Variants in TRIM62 observed in about 807,000 individuals in gnomAD.
TRIM62 encodes tripartite motif containing 62.
A neutral mutation model predicts 44.2 loss-of-function variants in TRIM62; 39 were observed. The observed-to-expected ratio is 0.88, with a 90% CI of 0.68 to 1.15. The LOEUF (loss-of-function observed/expected upper bound fraction) is 1.15, where lower values mean the gene tolerates loss of function less well. Ranked by LOEUF, TRIM62 falls within the 50% of genes most tolerant of loss-of-function variation. The pLI is 0.00. For synonymous variants in TRIM62, 278 were observed against 292.3 expected, an observed-to-expected ratio of 0.95 and a Z score of 0.50; for missense variants, 544 against 665.5, an observed-to-expected ratio of 0.82 and a Z score of 2.01.
Position 33,147,477 on chromosome 1 carries a change from G to A in TRIM62, c.1128C>T (p.Gly376=). Residue 376 remains glycine, a synonymous_variant, in exon 5 of 5, where the codon GGC becomes GGT. Transcript: ENST00000291416. The surrounding 1 kb of genome is among the most constrained non-coding windows in gnomAD (Gnocchi z 8.1). The part of the protein sequence containing the change: ...GLAHEAASRK[G]SIQIQPSRGF... ...CGCGGCTGGGCTGGATCTGGATGCT[G>A]CCCTTGCGGCTTGCGGCTTCGTGTG... 1 of 1,613,840 alleles carries A rather than the reference G, an allele frequency of 6.2e-7. No individual in the cohort carries two copies. Among genetic ancestry groups the A allele is most frequent in the Non-Finnish European group, 8.5e-7 (1 of 1,179,976 alleles).
rs1156715797 is a variant in TRIM62 at position 33,181,113 on chromosome 1, C to T, written c.320G>A (p.Arg107His). ...GTCGCAGAAGAAGCAGAGAAGCGCG[C>T]GGTCCGTGAGGCAGAAGAGCTTGAC... is the stretch of plus-strand genomic sequence containing the variant. ...DKVKLFCLTD[R>H]ALLCFFCDEP... The change falls in exon 1 of 5, where the codon CGC (arginine) becomes CAC (histidine). Residue 107 changes from arginine (R) to histidine (H), a missense_variant. Transcript: ENST00000291416. The surrounding 1 kb of genome is among the most constrained non-coding windows in gnomAD (Gnocchi z 6.5). The T allele has an allele frequency of 1.2e-6, 2 of 1,600,106 alleles. No homozygotes were observed. Among genetic ancestry groups the T allele is most frequent in the Non-Finnish European group, 1.7e-6 (2 of 1,178,746 alleles).
rs189187716 is a variant in TRIM62 at position 33,157,555 on chromosome 1, T to A, written c.877+698A>T. Among the ~76,000 whole-genome samples the A allele has an allele frequency of 8.3e-3, 1,271 of 152,226 alleles. 17 individuals are homozygous for A. The highest frequency in any genetic ancestry group is 0.029 in the African/African-American group (1,205 of 41,510). ...CTGATTTACTTTTGTCTACTTTCTATCTCACACCCTAGGATGTAAGATGCG... is the reference window on the plus strand; with the variant it reads ...CTGATTTACTTTTGTCTACTTTCTAACTCACACCCTAGGATGTAAGATGCG... On this transcript the variant is annotated intron_variant, in intron 4 of 4. Coordinates refer to ENST00000291416, the MANE Select transcript of TRIM62 (RefSeq NM_018207.3).
Position 33,167,505 on chromosome 1 carries a change from G to A in TRIM62, c.409-1939C>T, listed in dbSNP as rs950815276. 7.2e-5 allele frequency among the ~76,000 whole-genome samples: 11 copies of A among 152,080 alleles called. No homozygotes were observed. Among genetic ancestry groups the A allele is most frequent in the East Asian group, 1.9e-4 (1 of 5,200 alleles). ...TTGTTCTCCTGTCTGTCTCTTCTTC[G>A]TCCCCGTATTGGCCCACAAGTCCTC... On this transcript the variant is annotated intron_variant, in intron 1 of 4. Coordinates refer to ENST00000291416, the MANE Select transcript of TRIM62 (RefSeq NM_018207.3). The surrounding 1 kb of genome is among the most constrained non-coding windows in gnomAD (Gnocchi z 4.2).
chr1:33,146,015 T>G lies in TRIM62; in HGVS notation c.*1162A>C, dbSNP rs979754726. ...GACATCTATTGGCTGGCACGGACCG[T>G]GGCAGAGGGAGCCTAGTTCTGCAGT... On this transcript the variant is annotated 3_prime_UTR_variant, in exon 5 of 5. Coordinates refer to ENST00000291416, the MANE Select transcript of TRIM62 (RefSeq NM_018207.3). The G allele has an allele frequency of 1.2e-5, 5 of 425,924 alleles. No homozygotes were observed. Among genetic ancestry groups the G allele is most frequent in the Non-Finnish European group, 2.4e-5 (5 of 206,038 alleles). The allele number at this position is 425,924 out of a possible 1,614,324, so 26.4% of individuals were successfully genotyped here. A position where few individuals can be genotyped will look rare whatever the true frequency, so the allele number is the denominator to read the frequency against.
intron 1 of TRIM62, among the ~76,000 whole-genome samples, chr1:33,171,552 C>T (rs985329880): frequency 6.6e-6 from 1 of 152,144 alleles, no homozygotes; most frequent in Admixed American, 6.5e-5. Context: ...TTTCTGAGTA[C>T]CCAATGAGTG....
rs1272596333 is a variant in TRIM62, at chr1:33,161,987, G to A, written c.505-2043C>T. Among the ~76,000 whole-genome samples the A allele has an allele frequency of 1.3e-5, 2 of 152,044 alleles. No individual in the cohort carries two copies. Among genetic ancestry groups the A allele is most frequent in the African/African-American group, 4.8e-5 (2 of 41,388 alleles). The stretch of plus-strand genomic sequence containing the variant: ...GGATGGTTCCCAAGTCCATATAGAT[G>A]GCCTTGCCTGTCTCCTGAGTGCCAC... On this transcript the variant is annotated intron_variant, in intron 2 of 4. Coordinates refer to ENST00000291416, the MANE Select transcript of TRIM62 (RefSeq NM_018207.3). This position sits in a 1 kb window ranked among gnomAD's most constrained non-coding sequence, Gnocchi z 4.3.
rs1189865376 is a variant in TRIM62 at position 33,147,054 on chromosome 1, G to A, written c.*123C>T. 3 of 1,024,176 alleles carry A rather than the reference G, an allele frequency of 2.9e-6. No individual in the cohort carries two copies. The highest frequency in any genetic ancestry group is 2.4e-4 in the Middle Eastern group (1 of 4,092). 63.4% of individuals were successfully genotyped at this position (1,024,176 alleles called of 1,614,324 possible). A position where few individuals can be genotyped will look rare whatever the true frequency, so the allele number is the denominator to read the frequency against. On this transcript the variant is annotated 3_prime_UTR_variant, in exon 5 of 5. Transcript: ENST00000291416. The surrounding 1 kb of genome is among the most constrained non-coding windows in gnomAD (Gnocchi z 8.1). Reference sequence around the variant, plus strand: ...CATTTTACAGACTGGAGGCTGGAGGGTAAACAACTGGCCTGAGGTCTCCAG... The same window carrying A: ...CATTTTACAGACTGGAGGCTGGAGGATAAACAACTGGCCTGAGGTCTCCAG...
At chr1:33,157,765 C>A (rs1645200987) in intron 4 of TRIM62, among the ~76,000 whole-genome samples, 1 of 150,794 alleles carries the variant, frequency 6.6e-6, no homozygotes, top group Non-Finnish European at 1.5e-5. Flanking sequence ...TTTTTTCTTC[C>A]TTTTTTTCCG....
Position 33,147,531 on chromosome 1 carries a change from C to T in TRIM62, c.1074G>A (p.Ala358=), listed in dbSNP as rs376832946. 2.1e-4 allele frequency: 335 copies of T among 1,613,926 alleles called. 2 individuals carry two copies. In the Middle Eastern group the frequency reaches 7.8e-3, roughly 37 times the overall value. Residue 358 remains alanine (A), a synonymous_variant, in exon 5 of 5, where the codon GCG becomes GCA. Coordinates refer to ENST00000291416, the MANE Select transcript of TRIM62 (RefSeq NM_018207.3). The surrounding 1 kb of genome is among the most constrained non-coding windows in gnomAD (Gnocchi z 8.1). ...GCCCGATCACCCACTGGGTCTTCTCCGCCACCACCACCTCCCAGTAGTGGA... is the reference window on the plus strand; with the variant it reads ...GCCCGATCACCCACTGGGTCTTCTCTGCCACCACCACCTCCCAGTAGTGGA... ...SGVHYWEVVV[A]EKTQWVIGLA...
At chr1:33,149,999 T>G (rs116120304) in intron 4 of TRIM62, among the ~76,000 whole-genome samples, 2,480 of 152,310 alleles carry the variant, frequency 0.016, 28 homozygotes, top group Non-Finnish European at 0.024. Flanking sequence ...ATCACCTGGC[T>G]CTGGGCTGGC....
In TRIM62 at chr1:33,159,838, G is replaced by A. The variant is rs747566623; in HGVS notation, c.611C>T (p.Thr204Met). ...KAMLEELEAD[T>M]ARTLTDIEQK... ...CTCGATGTCGGTCAGCGTGCGGGCCGTGTCCGCCTCCAGCTCCTCTAGCAT... is the reference window on the plus strand; with the variant it reads ...CTCGATGTCGGTCAGCGTGCGGGCCATGTCCGCCTCCAGCTCCTCTAGCAT... Residue 204 changes from threonine (T) to methionine (M), a missense_variant, in exon 3 of 5, where the codon ACG becomes ATG. Transcript: ENST00000291416. This position sits in a 1 kb window ranked among gnomAD's most constrained non-coding sequence, Gnocchi z 4.2. 8 of 1,613,532 alleles carry A rather than the reference G, an allele frequency of 5.0e-6. No individual in the cohort carries two copies. Among genetic ancestry groups the A allele is most frequent in the East Asian group, 2.2e-5 (1 of 44,904 alleles).
rs146828587 is a variant in TRIM62 at position 33,170,724 on chromosome 1, G to A, written c.409-5158C>T. On this transcript the variant is annotated intron_variant, in intron 1 of 4. Transcript: ENST00000291416. ...CTGCCTGAGCTGTGTCACCCCTCCC[G>A]CTCCAACGTGTCTCCTTCCTTGGTT... 4.5e-3 allele frequency among the ~76,000 whole-genome samples: 688 copies of A among 152,240 alleles called. 3 individuals carry two copies. Among genetic ancestry groups the A allele is most frequent in the Non-Finnish European group, 7.8e-3 (531 of 68,004 alleles).
intron 2 of TRIM62, among the ~76,000 whole-genome samples, chr1:33,162,144 A>G (rs1056223588): frequency 1.3e-5 from 2 of 152,196 alleles, no homozygotes; most frequent in Non-Finnish European, 2.9e-5. Flanking sequence ...CTAAAGTGCC[A>G]ACTGAATCAC....
intron 4 of TRIM62, among the ~76,000 whole-genome samples, chr1:33,155,365 C>G (rs1258962092): frequency 6.6e-6 from 1 of 152,058 alleles, no homozygotes; most frequent in African/African-American, 2.4e-5. Flanking sequence ...GCCACCATGC[C>G]CGGCCTCCCC....
chr1:33,174,551 T>C (rs1276762678), intron 1 of TRIM62, among the ~76,000 whole-genome samples: 1 of 152,126 alleles, frequency 6.6e-6, no homozygotes, highest in Non-Finnish European at 1.5e-5. Context: ...CTCATAGGGT[T>C]ACTGTTAGAA....
chr1:33,151,185 T>C (rs562943522), intron 4 of TRIM62, among the ~76,000 whole-genome samples: 1 of 152,148 alleles, frequency 6.6e-6, no homozygotes, highest in East Asian at 1.9e-4. Flanking sequence ...AGCCTGCAGA[T>C]TGGAGGAAAT....
chr1:33,171,792 A>AT (rs1166839025), intron 1 of TRIM62, among the ~76,000 whole-genome samples: 8 of 151,900 alleles, frequency 5.3e-5, no homozygotes, highest in Non-Finnish European at 7.4e-5. Context: ...TTTATTTTTT[A>AT]TTTTTTTGAG....
At position 33,181,371 on chromosome 1, in the gene TRIM62, G is replaced by A. The variant is rs1050879661; in HGVS notation, c.62C>T (p.Pro21Leu). 6 of 1,599,584 alleles carry A rather than the reference G, an allele frequency of 3.8e-6. No individual in the cohort carries two copies. Among genetic ancestry groups the A allele is most frequent in the Non-Finnish European group, 4.3e-6 (5 of 1,175,904 alleles). Residue 21 changes from proline (P) to leucine (L), a missense_variant, in exon 1 of 5, where the codon CCG becomes CTG. Coordinates refer to ENST00000291416, the MANE Select transcript of TRIM62 (RefSeq NM_018207.3). This position sits in a 1 kb window ranked among gnomAD's most constrained non-coding sequence, Gnocchi z 6.5. ...GTAATGCTCGCAGCCCAGGCTCACC[G>A]GGTCCTGGTAGATGCTCAGGCAGAT... ...CSICLSIYQD[P>L]VSLGCEHYFC...
intron 4 of TRIM62, among the ~76,000 whole-genome samples, chr1:33,155,906 T>A (rs900067865): frequency 6.6e-6 from 1 of 152,224 alleles, no homozygotes; most frequent in Non-Finnish European, 1.5e-5. Flanking sequence ...TTCTTCTCTA[T>A]CTGCAAACCT....
Sources: gnomAD v4.1 joint callset for allele counts (sites outside exome capture counted in the v4.1 genomes callset) on GRCh38, gnomAD v4.1.1 for gene constraint, Gnocchi (gnomAD v3.1) non-coding constraint, MANE v1.5 for transcripts, NCBI Gene and HGNC (gene_info 2026-07-23, HGNC 2026-07-21) for gene names.